FXN: variants seen among roughly 807,000 people sequenced by gnomAD.
FXN encodes frataxin.
Under a neutral mutation model 22.4 loss-of-function variants are expected in FXN, and 14 were observed. That is an observed-to-expected ratio of 0.62 (90% CI 0.41 to 0.98). The LOEUF (loss-of-function observed/expected upper bound fraction) is 0.98. Among genes scored for constraint, FXN ranks in the 50% least tolerant of loss-of-function variants. The pLI, the probability that FXN is intolerant of heterozygous loss-of-function variation, is 0.00. For synonymous variants in FXN, 120 were observed against 114.1 expected, an observed-to-expected ratio of 1.05 and a Z score of -0.33; for missense variants, 267 against 268.4, an observed-to-expected ratio of 0.99 and a Z score of 0.04.
rs1013188856 is a variant in FXN, at chr9:69,073,046, T to C, written c.*284T>C. 1.4e-5 allele frequency: 18 copies of C among 1,278,280 alleles called. No individual in the cohort carries two copies. The highest frequency in any genetic ancestry group is 2.0e-6 in the Non-Finnish European group (2 of 1,010,960). 79.2% of individuals were successfully genotyped at this position (1,278,280 alleles called of 1,614,324 possible). On this transcript the variant is annotated 3_prime_UTR_variant, in exon 5 of 5. Coordinates refer to ENST00000484259, the MANE Select transcript of FXN (RefSeq NM_000144.5). ...ATAATGTCTTATGCCTATACCTGAA[T>C]ATAACAACCTTTAAAAAAGCAAAAT... is the stretch of plus-strand genomic sequence containing the variant.
rs11145050 is a variant in FXN, at chr9:69,074,497, G to A, written c.*1735G>A. ...TACAGTGAGTCGAGATCGTACCTGA[G>A]CGACAGAGCGAGACTCCGTCTCAAA... On this transcript the variant is annotated 3_prime_UTR_variant, in exon 5 of 5. Transcript: ENST00000484259. The A allele has an allele frequency of 0.18, 181,116 of 979,146 alleles. 17,283 individuals are homozygous for A. The highest frequency in any genetic ancestry group is 0.19 in the Non-Finnish European group (159,341 of 826,662). The allele number at this position is 979,146 out of a possible 1,614,324, so 60.7% of individuals were successfully genotyped here. A position where few individuals can be genotyped will look rare whatever the true frequency, so the allele number is the denominator to read the frequency against.
At chr9:69,054,237 T>G (rs1242665415) in intron 3 of FXN, among the ~76,000 whole-genome samples, 1 of 152,164 alleles carries the variant, frequency 6.6e-6, no homozygotes, top group East Asian at 1.9e-4. Flanking sequence ...TGACCTCAAA[T>G]GGTCCACCCC....
In FXN at chr9:69,076,076, TG is replaced by T; in HGVS notation, c.*3316del. The T allele has an allele frequency of 1.0e-6, 1 of 984,552 alleles. No individual in the cohort carries two copies. The highest frequency in any genetic ancestry group is 1.2e-6 in the Non-Finnish European group (1 of 829,118). 61.0% of individuals were successfully genotyped at this position (984,552 alleles called of 1,614,324 possible). ...CAGCCACATAGAAAATAAAATGTTC[TG>T]GCATGACTTATTTAGCTCTCTGGAA... On this transcript the variant is annotated 3_prime_UTR_variant, in exon 5 of 5. Transcript: ENST00000484259.
At position 69,075,574 on chromosome 9, in the gene FXN, G is replaced by A. The variant is rs1832350734; in HGVS notation, c.*2812G>A. 2 of 985,226 alleles carry A rather than the reference G, an allele frequency of 2.0e-6. No homozygotes were observed. The highest frequency in any genetic ancestry group is 1.7e-5 in the African/African-American group (1 of 57,294). The allele number at this position is 985,226 out of a possible 1,614,324, so 61.0% of individuals were successfully genotyped here. A position where few individuals can be genotyped will look rare whatever the true frequency, so the allele number is the denominator to read the frequency against. On this transcript the variant is annotated 3_prime_UTR_variant, in exon 5 of 5. Coordinates refer to ENST00000484259, the MANE Select transcript of FXN (RefSeq NM_000144.5). ...AAAAGTACCACTGTGTGTACCAATA[G>A]CCTCCCCACCACAGACCCTGGGAGC...
intron 3 of FXN, among the ~76,000 whole-genome samples, chr9:69,055,406 C>T (rs1421196217): frequency 1.3e-5 from 2 of 152,124 alleles, no homozygotes; most frequent in African/African-American, 4.8e-5. Flanking sequence ...AGTGAAGCCC[C>T]AGTTTGACCA....
rs1273589280 is a variant in FXN at position 69,073,287 on chromosome 9, A to G, written c.*525A>G. On this transcript the variant is annotated 3_prime_UTR_variant, in exon 5 of 5. Coordinates refer to ENST00000484259, the MANE Select transcript of FXN (RefSeq NM_000144.5). The stretch of plus-strand genomic sequence containing the variant: ...CTTTAGCATTGAAGTGTCGAAAGCA[A>G]CTCACACGGGAAGATCATTTCTTAT... 1.0e-6 allele frequency: 1 copy of G among 1,002,990 alleles called. No individual in the cohort carries two copies. Among genetic ancestry groups the G allele is most frequent in the East Asian group, 1.0e-4 (1 of 9,888 alleles). The allele number at this position is 1,002,990 out of a possible 1,614,324, so 62.1% of individuals were successfully genotyped here.
intron 4 of FXN, among the ~76,000 whole-genome samples, chr9:69,070,398 C>T (rs1312305039): frequency 1.3e-5 from 2 of 152,190 alleles, no homozygotes; most frequent in South Asian, 2.1e-4. Context: ...CCTGGCGCCC[C>T]GCCCACAGCT....
intron 4 of FXN, among the ~76,000 whole-genome samples, chr9:69,070,118 A>G (rs561144716): frequency 7.2e-5 from 11 of 151,922 alleles, no homozygotes; most frequent in African/African-American, 2.7e-4. Flanking sequence ...GGTCCCAGCT[A>G]CTCAGGAGGC....
At position 69,078,002 on chromosome 9, in the gene FXN, T is replaced by C; in HGVS notation, c.*5240T>C. 1.0e-6 allele frequency: 1 copy of C among 985,316 alleles called. No individual in the cohort carries two copies. The highest frequency in any genetic ancestry group is 5.2e-4 in the Middle Eastern group (1 of 1,912). 61.0% of individuals were successfully genotyped at this position (985,316 alleles called of 1,614,324 possible). ...AATTATATAGAAAAATAAGACAATATCATTTCCCAATTACATTCCTTTCCT... is the reference window on the plus strand; with the variant it reads ...AATTATATAGAAAAATAAGACAATACCATTTCCCAATTACATTCCTTTCCT... On this transcript the variant is annotated 3_prime_UTR_variant, in exon 5 of 5. Transcript: ENST00000484259.
chr9:69,042,239 G>GAAAA (rs36033050), intron 1 of FXN, among the ~76,000 whole-genome samples: 2 of 136,258 alleles, frequency 1.5e-5, no homozygotes, highest in Non-Finnish European at 3.1e-5. Context: ...CTCCGTCTCA[G>GAAAA]AAAAAAAAAA....
intron 3 of FXN, among the ~76,000 whole-genome samples, chr9:69,059,391 CTTTT>C (rs35159671): frequency 6.3e-5 from 4 of 62,996 alleles, no homozygotes; most frequent in African/African-American, 1.4e-4. Flanking sequence ...GAGGCAGCAT[CTTTT>C]TTTTTTTTTT....
Position 69,036,042 on chromosome 9 carries a change from C to G in FXN, c.165+95C>G, listed in dbSNP as rs1013819598. 9 of 1,112,240 alleles carry G rather than the reference C, an allele frequency of 8.1e-6. No individual in the cohort carries two copies. In the South Asian group the frequency reaches 1.2e-4, roughly 15 times the overall value. 68.9% of individuals were successfully genotyped at this position (1,112,240 alleles called of 1,614,324 possible). Reference sequence around the variant, plus strand: ...AGGCGCCGCGCACGCCGGGGTCGCTCCGGGTACGCGCGCTGGACTAGCTCA... The same window carrying G: ...AGGCGCCGCGCACGCCGGGGTCGCTGCGGGTACGCGCGCTGGACTAGCTCA... On this transcript the variant is annotated intron_variant, in intron 1 of 4. Transcript: ENST00000484259.
chr9:69,049,154 C>T (rs1831809639), intron 2 of FXN, among the ~76,000 whole-genome samples: 1 of 152,172 alleles, frequency 6.6e-6, no homozygotes, highest in Non-Finnish European at 1.5e-5. Context: ...CCCGCTTCTG[C>T]CAGGGCCCAA....
chr9:69,037,022 C>G (rs1831562239), intron 1 of FXN, among the ~76,000 whole-genome samples: 1 of 152,078 alleles, frequency 6.6e-6, no homozygotes, highest in African/African-American at 2.4e-5. Flanking sequence ...TGTTGCTCTC[C>G]GGAGTTTGTA....
intron 4 of FXN, among the ~76,000 whole-genome samples, chr9:69,066,858 CA>C (rs71500343): frequency 5.0e-4 from 73 of 144,856 alleles, no homozygotes; most frequent in East Asian, 4.2e-3. Context: ...CTATCTTCCT[CA>C]AAAAAAAAAA....
In FXN at chr9:69,074,769, C is replaced by A; in HGVS notation, c.*2007C>A. ...AAAAAAAAACCTATTAATAATAAAA[C>A]AGTATAAACAAAAGCTAAATAGGTA... is the stretch of plus-strand genomic sequence containing the variant. On this transcript the variant is annotated 3_prime_UTR_variant, in exon 5 of 5. Coordinates refer to ENST00000484259, the MANE Select transcript of FXN (RefSeq NM_000144.5). 1 of 891,152 alleles carries A rather than the reference C, an allele frequency of 1.1e-6. No homozygotes were observed. The highest frequency in any genetic ancestry group is 1.3e-6 in the Non-Finnish European group (1 of 744,408). 55.2% of individuals were successfully genotyped at this position (891,152 alleles called of 1,614,324 possible). A position where few individuals can be genotyped will look rare whatever the true frequency, so the allele number is the denominator to read the frequency against.
Position 69,035,956 on chromosome 9 carries a change from C to T in FXN, c.165+9C>T, listed in dbSNP as rs375501362. ...GCACGCCCCGCCGCGCAGTAAGTATCCGCGCCGGGAACAGCCGCGGGCCGC... is the reference window on the plus strand; with the variant it reads ...GCACGCCCCGCCGCGCAGTAAGTATTCGCGCCGGGAACAGCCGCGGGCCGC... On this transcript the variant is annotated intron_variant, in intron 1 of 4. Transcript: ENST00000484259. 18 of 1,458,248 alleles carry T rather than the reference C, an allele frequency of 1.2e-5. No individual in the cohort carries two copies. The Admixed American group carries it at 2.7e-4, about 22-fold the overall frequency. The allele number at this position is 1,458,248 out of a possible 1,614,324, so 90.3% of individuals were successfully genotyped here.
At chr9:69,060,783 C>T (rs190346927) in intron 3 of FXN, among the ~76,000 whole-genome samples, 1 of 152,356 alleles carries the variant, frequency 6.6e-6, no homozygotes, top group Non-Finnish European at 1.5e-5. Context: ...ACATCATCTG[C>T]TCATTCACTA....
At chr9:69,036,557 G>GC (rs879720822) in intron 1 of FXN, among the ~76,000 whole-genome samples, 4 of 152,180 alleles carry the variant, frequency 2.6e-5, no homozygotes, top group African/African-American at 9.7e-5. Flanking sequence ...TCCAGATTCT[G>GC]CCCCACTCCG....
Sources: gnomAD v4.1 joint callset for allele counts (sites outside exome capture counted in the v4.1 genomes callset) on GRCh38, gnomAD v4.1.1 for gene constraint, MANE v1.5 for transcripts, NCBI Gene and HGNC (gene_info 2026-07-23, HGNC 2026-07-21) for gene names.